TMEFF2: variants seen among roughly 807,000 people sequenced by gnomAD.
TMEFF2 encodes transmembrane protein with EGF like and two follistatin like domains 2, also known as tomoregulin-2.
In TMEFF2, 28 loss-of-function variants were observed where a neutral mutation model predicts 53.8. That is an observed-to-expected ratio of 0.52 (90% CI 0.39 to 0.71). The LOEUF (loss-of-function observed/expected upper bound fraction) is 0.71, where lower values mean the gene tolerates loss of function less well. TMEFF2 is among the 30% of genes least tolerant of loss of function. The probability of loss-of-function intolerance (pLI) is 0.00; values close to 1 mark genes in which losing one functional copy is unlikely to be tolerated. For missense variants in TMEFF2, 353 were observed against 455.2 expected (o/e 0.78, Z 2.04); for synonymous variants, 162 against 166.3 (o/e 0.97, Z 0.20).
chr2:192,096,633 CTT>C (rs1688910707), intron 4 of TMEFF2, among the ~76,000 whole-genome samples: 2 of 109,344 alleles, frequency 1.8e-5, no homozygotes, highest in Non-Finnish European at 3.8e-5. Context: ...TTCTTTTTTT[CTT>C]TTCTTCTTCC....
At chr2:191,967,292 G>T (rs2105800059) in intron 7 of TMEFF2, among the ~76,000 whole-genome samples, 1 of 152,176 alleles carries the variant, frequency 6.6e-6, no homozygotes, top group East Asian at 1.9e-4. Flanking sequence ...GGATCTTAGA[G>T]GATGCTGTTG....
At chr2:191,954,835 A>G (rs769254298) in intron 8 of TMEFF2, among the ~76,000 whole-genome samples, 14 of 152,202 alleles carry the variant, frequency 9.2e-5, no homozygotes, top group Non-Finnish European at 1.5e-4. Context: ...TACATAGGAA[A>G]ATTAGCATGT....
rs201536670 is a variant in TMEFF2, at chr2:192,037,272, A to AG, written c.536+20406_536+20407insC. Among the ~76,000 whole-genome samples the AG allele has an allele frequency of 3.9e-3, 517 of 131,718 alleles. 7 individuals carry two copies. Among genetic ancestry groups the AG allele is most frequent in the Admixed American group, 7.8e-3 (98 of 12,606 alleles). The allele number at this position is 131,718 out of a possible 152,430, so 86.4% of individuals were successfully genotyped here. A position where few individuals can be genotyped will look rare whatever the true frequency, so the allele number is the denominator to read the frequency against. ...GAATGCACTTCTAAGACTAGCCAAA[A>AG]TAAAGAAAGAAAGAAAGAAAGAAAG... is the stretch of plus-strand genomic sequence containing the variant. On this transcript the variant is annotated intron_variant, in intron 5 of 9. Transcript: ENST00000272771.
At chr2:192,180,454 C>T (rs1420123795) in intron 3 of TMEFF2, among the ~76,000 whole-genome samples, 6 of 151,616 alleles carry the variant, frequency 4.0e-5, no homozygotes, top group South Asian at 2.1e-4. Flanking sequence ...AAAACCATTA[C>T]GATTCCATCT....
intron 5 of TMEFF2, among the ~76,000 whole-genome samples, chr2:192,017,537 C>A (rs185001691): frequency 1.6e-3 from 248 of 152,278 alleles, no homozygotes; most frequent in Middle Eastern, 0.01. Flanking sequence ...ACATTCTATT[C>A]TTTTTCTCAC....
intron 4 of TMEFF2, among the ~76,000 whole-genome samples, chr2:192,099,036 C>T (rs1276761488): frequency 6.6e-6 from 1 of 152,044 alleles, no homozygotes; most frequent in Non-Finnish European, 1.5e-5. Context: ...GGTTCATATT[C>T]TCCAAAGACA....
At chr2:192,106,245 T>C (rs1689141640) in intron 4 of TMEFF2, among the ~76,000 whole-genome samples, 1 of 151,722 alleles carries the variant, frequency 6.6e-6, no homozygotes, top group African/African-American at 2.4e-5. Context: ...TAAACTGCCA[T>C]TAAACACAAA....
At chr2:192,002,498 A>AAG (rs1686390214) in intron 5 of TMEFF2, among the ~76,000 whole-genome samples, 1 of 151,790 alleles carries the variant, frequency 6.6e-6, no homozygotes, top group South Asian at 2.1e-4. Context: ...TTTGTGAATA[A>AAG]GTGGAAGAAA....
intron 4 of TMEFF2, among the ~76,000 whole-genome samples, chr2:192,088,826 G>A (rs963566014): frequency 6.6e-6 from 1 of 152,006 alleles, no homozygotes; most frequent in Non-Finnish European, 1.5e-5. Flanking sequence ...TCTGTTCTTA[G>A]CCTTTCACCT....
At chr2:192,071,259 T>A (rs1015905351) in intron 4 of TMEFF2, among the ~76,000 whole-genome samples, 1 of 151,904 alleles carries the variant, frequency 6.6e-6, no homozygotes, top group African/African-American at 2.4e-5. Flanking sequence ...CCACATAGCA[T>A]CTTGCCTAAC....
intron 4 of TMEFF2, among the ~76,000 whole-genome samples, chr2:192,155,016 T>C (rs1480251907): frequency 6.6e-6 from 1 of 151,962 alleles, no homozygotes. Context: ...GATATCGATA[T>C]TTCTTTCTGT....
intron 4 of TMEFF2, among the ~76,000 whole-genome samples, chr2:192,068,608 A>G (rs1317128937): frequency 6.6e-6 from 1 of 151,882 alleles, no homozygotes; most frequent in Non-Finnish European, 1.5e-5. Flanking sequence ...TGGATAAAAG[A>G]AAGCACTAAA....
intron 4 of TMEFF2, among the ~76,000 whole-genome samples, chr2:192,169,236 A>G (rs1238582095): frequency 6.6e-6 from 1 of 152,146 alleles, no homozygotes; most frequent in African/African-American, 2.4e-5. Context: ...ATTGAGGACA[A>G]TCATCCTGAT....
intron 5 of TMEFF2, among the ~76,000 whole-genome samples, chr2:192,023,966 A>T (rs1025731880): frequency 3.9e-5 from 6 of 152,190 alleles, no homozygotes; most frequent in African/African-American, 1.4e-4. Context: ...TTTCTTCTGG[A>T]ATTCTGTGAA....
chr2:191,998,088 T>C (rs1157495341), intron 7 of TMEFF2, among the ~76,000 whole-genome samples, 174 bp downstream of exon 7: 1 of 151,974 alleles, frequency 6.6e-6, no homozygotes, highest in Non-Finnish European at 1.5e-5. Flanking sequence ...GTATGTCTTC[T>C]TTGCTTCAAC....
chr2:192,139,658 A>G (rs1183907456), intron 4 of TMEFF2, among the ~76,000 whole-genome samples: 3 of 152,224 alleles, frequency 2.0e-5, no homozygotes, highest in Non-Finnish European at 4.4e-5. Flanking sequence ...GGACAATTTC[A>G]TAAAAAGTTT....
chr2:192,049,961 A>T (rs1164190059), intron 5 of TMEFF2, among the ~76,000 whole-genome samples: 1 of 152,164 alleles, frequency 6.6e-6, no homozygotes, highest in Non-Finnish European at 1.5e-5. Context: ...AGATAGCGCC[A>T]CTGCACTCCA....
At position 192,068,261 on chromosome 2, in the gene TMEFF2, C is replaced by T. The variant is rs1321828575; in HGVS notation, c.440-10486G>A. Among the ~76,000 whole-genome samples the T allele has an allele frequency of 2.0e-5, 3 of 151,890 alleles. No individual in the cohort carries two copies. The East Asian group carries it at 5.8e-4, about 29-fold the overall frequency. On this transcript the variant is annotated intron_variant, in intron 4 of 9. Transcript: ENST00000272771. The stretch of plus-strand genomic sequence containing the variant: ...GAAAGTGTTAAAGGTGAAGGAAAGT[C>T]ATTCTCTTATTCCAAGTAAGATGGT...
rs764186144 is a variant in TMEFF2 at position 192,179,560 on chromosome 2, G to T, written c.439+108C>A. The stretch of plus-strand genomic sequence containing the variant: ...TTTATGGTTTCACCTTTCCTAAAAT[G>T]CAAAATATGAAATTTGTCTTAAATA... On this transcript the variant is annotated intron_variant, in intron 4 of 9. Coordinates refer to ENST00000272771, the MANE Select transcript of TMEFF2 (RefSeq NM_016192.4). 6 of 1,262,788 alleles carry T rather than the reference G, an allele frequency of 4.8e-6. No homozygotes were observed. The African/African-American group carries it at 9.4e-5, about 20-fold the overall frequency. 78.2% of individuals were successfully genotyped at this position (1,262,788 alleles called of 1,614,324 possible). A position where few individuals can be genotyped will look rare whatever the true frequency, so the allele number is the denominator to read the frequency against.
Sources: gnomAD v4.1 joint callset for allele counts (sites outside exome capture counted in the v4.1 genomes callset) on GRCh38, gnomAD v4.1.1 for gene constraint, MANE v1.5 for transcripts, NCBI Gene and HGNC (gene_info 2026-07-23, HGNC 2026-07-21) for gene names.